ROR2: variants seen among roughly 807,000 people sequenced by gnomAD.
ROR2 encodes ROR family WNT receptor 2.
Under a neutral mutation model 74.9 loss-of-function variants are expected in ROR2, and 33 were observed. That is an observed-to-expected ratio of 0.44 (90% CI 0.33 to 0.59). ROR2 has a LOEUF of 0.59. Ranked by LOEUF, ROR2 falls within the 20% of genes least tolerant of loss-of-function variation. The pLI, the probability that ROR2 is intolerant of heterozygous loss-of-function variation, is 0.02. For synonymous variants in ROR2, 586 were observed against 558.7 expected, an observed-to-expected ratio of 1.05 and a Z score of -0.69; for missense variants, 1,216 against 1,313.8, an observed-to-expected ratio of 0.93 and a Z score of 1.15.
intron 1 of ROR2, among the ~76,000 whole-genome samples, chr9:91,879,810 A>T (rs1830055698): frequency 6.6e-6 from 1 of 152,062 alleles, no homozygotes; most frequent in Non-Finnish European, 1.5e-5. Context: ...ATTAACTTAG[A>T]CAAGAACTGC....
chr9:91,927,575 TTTTTTTTTGAGA>T (rs1831442597), intron 1 of ROR2, among the ~76,000 whole-genome samples: 1 of 145,186 alleles, frequency 6.9e-6, no homozygotes, highest in Admixed American at 7.0e-5. Flanking sequence ...TTTTTTTTTT[TTTTTTTTTGAGA>T]CGGAGTCTCT....
At chr9:91,941,712 C>T (rs1183342697) in intron 1 of ROR2, among the ~76,000 whole-genome samples, 1 of 152,174 alleles carries the variant, frequency 6.6e-6, no homozygotes, top group Non-Finnish European at 1.5e-5. Flanking sequence ...ACTGTCTTCT[C>T]TACCTACCCT....
chr9:91,946,921 G>A (rs1832027565), intron 1 of ROR2, among the ~76,000 whole-genome samples: 1 of 152,166 alleles, frequency 6.6e-6, no homozygotes, highest in Admixed American at 6.5e-5. Flanking sequence ...AGCTTCCAAA[G>A]AAAAGAGCAG....
chr9:91,723,042 C>G lies in ROR2; in HGVS notation c.*620G>C, dbSNP rs1836852627. The G allele has an allele frequency of 6.1e-6, 1 of 163,582 alleles. No homozygotes were observed. 10.1% of individuals were successfully genotyped at this position (163,582 alleles called of 1,614,324 possible). On this transcript the variant is annotated 3_prime_UTR_variant, in exon 9 of 9. Coordinates refer to ENST00000375708, the MANE Select transcript of ROR2 (RefSeq NM_004560.4). ...TCACCAAATACAAAGCTGTCAGTTT[C>G]TTTGAAGGCACACATTTTGTTGTAT...
intron 1 of ROR2, among the ~76,000 whole-genome samples, chr9:91,794,323 T>C (rs894457938): frequency 2.0e-5 from 3 of 152,204 alleles, no homozygotes; most frequent in African/African-American, 7.2e-5. Flanking sequence ...CCATCACCAC[T>C]GAATTAATTG....
intron 6 of ROR2, among the ~76,000 whole-genome samples, chr9:91,732,371 T>C (rs1257819552): frequency 2.6e-5 from 4 of 152,154 alleles, no homozygotes. Context: ...GGGCAGGGGC[T>C]GCTGCCAGCA....
At chr9:91,743,132 T>C (rs552999997) in intron 4 of ROR2, among the ~76,000 whole-genome samples, 36 of 152,252 alleles carry the variant, frequency 2.4e-4, no homozygotes, top group African/African-American at 8.2e-4. Context: ...CACTGTTACA[T>C]GATGCATGAC....
chr9:91,938,799 G>C (rs1035426272), intron 1 of ROR2, among the ~76,000 whole-genome samples: 4 of 152,146 alleles, frequency 2.6e-5, no homozygotes, highest in African/African-American at 9.7e-5. Context: ...ATATTGACTT[G>C]CATTTGTAGA....
At chr9:91,813,898 C>T (rs1416496814) in intron 1 of ROR2, among the ~76,000 whole-genome samples, 1 of 152,190 alleles carries the variant, frequency 6.6e-6, no homozygotes. Context: ...ACTCAGAAAA[C>T]TTAAAGGGGG....
intron 2 of ROR2, 42 bp downstream of exon 2, chr9:91,775,699 G>T: frequency 1.3e-6 from 2 of 1,575,198 alleles, no homozygotes; most frequent in Non-Finnish European, 1.7e-6. Context: ...TCAGCACAGG[G>T]CATTTGGAGG....
intron 4 of ROR2, among the ~76,000 whole-genome samples, chr9:91,754,174 G>C (rs894747159): frequency 2.0e-5 from 3 of 151,350 alleles, no homozygotes; most frequent in Non-Finnish European, 2.9e-5. Context: ...GAAAGTCAAT[G>C]TAAAAATATT....
intron 2 of ROR2, among the ~76,000 whole-genome samples, chr9:91,763,073 C>CA (rs1192645152): frequency 1.3e-5 from 2 of 152,126 alleles, no homozygotes; most frequent in Non-Finnish European, 2.9e-5. Flanking sequence ...AACACAGGAA[C>CA]AAAACCCCAA....
chr9:91,893,755 C>G (rs76530119), intron 1 of ROR2, among the ~76,000 whole-genome samples: 1,902 of 152,236 alleles, frequency 0.012, 27 homozygotes, highest in Non-Finnish European at 0.018. Flanking sequence ...GATCAATACT[C>G]CATACCACCC....
At chr9:91,726,408 C>A in intron 8 of ROR2, 133 bp downstream of exon 8, 1 of 903,760 alleles carries the variant, frequency 1.1e-6, no homozygotes, top group Admixed American at 2.0e-5. Flanking sequence ...AAAAAAATGG[C>A]AAAATGAAGC....
At chr9:91,842,732 C>T (rs1346978622) in intron 1 of ROR2, among the ~76,000 whole-genome samples, 3 of 152,240 alleles carry the variant, frequency 2.0e-5, no homozygotes, top group African/African-American at 7.2e-5. Flanking sequence ...GCCAGGGCTC[C>T]TGCCACCCCC....
At chr9:91,825,606 C>T (rs150195941) in intron 1 of ROR2, among the ~76,000 whole-genome samples, 4 of 152,114 alleles carry the variant, frequency 2.6e-5, no homozygotes, top group African/African-American at 9.6e-5. Context: ...TTCGGGATGC[C>T]GGGAGAGAAC....
intron 1 of ROR2, among the ~76,000 whole-genome samples, chr9:91,832,847 T>C (rs1380040410): frequency 6.6e-6 from 1 of 152,134 alleles, no homozygotes; most frequent in Non-Finnish European, 1.5e-5. Context: ...CAACTAGAAA[T>C]ACAACGTCCA....
intron 2 of ROR2, among the ~76,000 whole-genome samples, chr9:91,758,970 C>T (rs1825837265): frequency 1.3e-5 from 2 of 152,228 alleles, no homozygotes; most frequent in Non-Finnish European, 2.9e-5. Context: ...CATGAACTTA[C>T]ATCAGACAAA....
At chr9:91,829,101 T>C (rs1311971390) in intron 1 of ROR2, among the ~76,000 whole-genome samples, 1 of 152,184 alleles carries the variant, frequency 6.6e-6, no homozygotes, top group African/African-American at 2.4e-5. Flanking sequence ...AACTTAAATA[T>C]ATGTTAACTA....
Sources: gnomAD v4.1 joint callset for allele counts (sites outside exome capture counted in the v4.1 genomes callset) on GRCh38, gnomAD v4.1.1 for gene constraint, MANE v1.5 for transcripts, NCBI Gene and HGNC (gene_info 2026-07-23, HGNC 2026-07-21) for gene names.